Variants in USH2A observed in about 807,000 individuals in gnomAD.
The protein encoded by USH2A is usherin, also known as Usher syndrome 2A (autosomal recessive, mild).
A neutral mutation model predicts 538.9 loss-of-function variants in USH2A; 443 were observed. The observed-to-expected ratio is 0.82, with a 90% CI of 0.76 to 0.89. The LOEUF is 0.89. Ranked by LOEUF, USH2A falls within the 40% of genes least tolerant of loss-of-function variation. The pLI, the probability that USH2A is intolerant of heterozygous loss-of-function variation, is 0.00. For missense variants in USH2A, 6,633 were observed against 6,324.8 expected, an observed-to-expected ratio of 1.05 and a Z score of -1.65; for synonymous variants, 2,413 against 2,273.5, an observed-to-expected ratio of 1.06 and a Z score of -1.75.
intron 32 of USH2A, among the ~76,000 whole-genome samples, chr1:216,013,493 T>TC (rs1157053833): frequency 6.6e-6 from 1 of 152,012 alleles, no homozygotes; most frequent in Non-Finnish European, 1.5e-5. Context: ...AGCCATCATA[T>TC]CCCCTGTGAC....
intron 21 of USH2A, among the ~76,000 whole-genome samples, chr1:216,164,939 CACTGGGGGAATG>C (rs2034136658): frequency 6.6e-6 from 1 of 152,120 alleles, no homozygotes; most frequent in African/African-American, 2.4e-5. Context: ...CTGAGTTTCA[CACTGGGGGAATG>C]ACTTGTGCAA....
chr1:216,302,195 G>A, intron 9 of USH2A, among the ~76,000 whole-genome samples: 1 of 152,208 alleles, frequency 6.6e-6, no homozygotes, highest in East Asian at 1.9e-4. Context: ...GACAGAAAAT[G>A]GCTCTGTGCT....
intron 9 of USH2A, among the ~76,000 whole-genome samples, chr1:216,309,834 T>A (rs945276883): frequency 2.0e-5 from 3 of 152,188 alleles, no homozygotes; most frequent in African/African-American, 4.8e-5. Flanking sequence ...CCTGTTGATG[T>A]GAGGAATTAC....
Position 216,321,849 on chromosome 1 carries a change from T to G in USH2A, c.1644+34A>C, listed in dbSNP as rs7515253. On this transcript the variant is annotated intron_variant, in intron 9 of 71. Coordinates refer to ENST00000307340, the MANE Select transcript of USH2A (RefSeq NM_206933.4). ...TTATAGTCACCATCTCTACTATTTT[T>G]TTTTTAGATTTCCATGCATAAAATA... is the stretch of plus-strand genomic sequence containing the variant. The G allele has an allele frequency of 0.25, 393,744 of 1,565,644 alleles. 51,426 individuals carry two copies. The highest frequency in any genetic ancestry group is 0.38 in the African/African-American group (28,335 of 73,810).
At chr1:215,854,173 G>A (rs1664094737) in intron 44 of USH2A, among the ~76,000 whole-genome samples, 1 of 152,170 alleles carries the variant, frequency 6.6e-6, no homozygotes, top group Non-Finnish European at 1.5e-5. Context: ...GAAGGTGAAA[G>A]GCACATCTTA....
intron 40 of USH2A, among the ~76,000 whole-genome samples, chr1:215,896,373 C>T (rs1230943708): frequency 2.0e-5 from 3 of 151,602 alleles, no homozygotes; most frequent in Non-Finnish European, 2.9e-5. Flanking sequence ...GATCTAATTG[C>T]TTGTGTATGC....
rs1655871261 is a variant in USH2A at position 215,623,349 on chromosome 1, C to T, written c.*2432G>A. ...CAAGGAGCATAGTCCCTGTGCATAG[C>T]ATATTATTCCTGTACATGATTTCTT... On this transcript the variant is annotated 3_prime_UTR_variant, in exon 72 of 72. Transcript: ENST00000307340. 1 of 152,034 alleles carries T rather than the reference C, an allele frequency of 6.6e-6. No homozygotes were observed. Among genetic ancestry groups the T allele is most frequent in the African/African-American group, 2.4e-5 (1 of 41,406 alleles). The allele number at this position is 152,034 out of a possible 1,614,324, so 9.4% of individuals were successfully genotyped here. A position where few individuals can be genotyped will look rare whatever the true frequency, so the allele number is the denominator to read the frequency against.
chr1:216,230,999 C>T (rs2035666819), intron 14 of USH2A, among the ~76,000 whole-genome samples: 1 of 148,234 alleles, frequency 6.7e-6, no homozygotes, highest in South Asian at 2.2e-4. Flanking sequence ...CCACAGATAC[C>T]CAGAGAATAA....
At chr1:215,705,203 T>C (rs1273935117) in intron 61 of USH2A, among the ~76,000 whole-genome samples, 1 of 152,248 alleles carries the variant, frequency 6.6e-6, no homozygotes, top group Non-Finnish European at 1.5e-5. Context: ...AGTGATTCCT[T>C]TATCACTTAG....
chr1:216,348,006 C>T (rs1363470289), intron 4 of USH2A, among the ~76,000 whole-genome samples: 1 of 152,066 alleles, frequency 6.6e-6, no homozygotes, highest in Admixed American at 6.6e-5. Flanking sequence ...TCTTTTAAAA[C>T]TTTTTGCTTA....
intron 9 of USH2A, among the ~76,000 whole-genome samples, chr1:216,318,393 C>T (rs2037546073): frequency 6.6e-6 from 1 of 152,136 alleles, no homozygotes; most frequent in Non-Finnish European, 1.5e-5. Context: ...TTTCAAATTA[C>T]CGTAAGACGA....
intron 61 of USH2A, among the ~76,000 whole-genome samples, chr1:215,726,556 A>G (rs893088363): frequency 6.6e-6 from 1 of 152,190 alleles, no homozygotes; most frequent in Non-Finnish European, 1.5e-5. Flanking sequence ...ATTTTGATAA[A>G]TGTTATCCTC....
chr1:216,223,156 T>C (rs1417169205), intron 14 of USH2A, among the ~76,000 whole-genome samples: 1 of 152,076 alleles, frequency 6.6e-6, no homozygotes, highest in Non-Finnish European at 1.5e-5. Flanking sequence ...CATGTTGTTT[T>C]AAGCCACTGA....
intron 41 of USH2A, among the ~76,000 whole-genome samples, chr1:215,885,474 C>T (rs551979578): frequency 3.9e-4 from 60 of 152,118 alleles, no homozygotes; most frequent in Non-Finnish European, 7.9e-4. Flanking sequence ...GCATTTTTAC[C>T]AACCTTATAA....
intron 65 of USH2A, 80 bp from the exon 66 acceptor site, chr1:215,648,846 C>A: frequency 7.3e-7 from 1 of 1,361,432 alleles, no homozygotes; most frequent in East Asian, 2.3e-5. Flanking sequence ...GATCCCACCT[C>A]CTACAAATGG....
intron 4 of USH2A, among the ~76,000 whole-genome samples, chr1:216,329,109 C>T (rs961854503): frequency 1.3e-5 from 2 of 152,150 alleles, no homozygotes; most frequent in Non-Finnish European, 2.9e-5. Flanking sequence ...TATCCTAAAA[C>T]AGGCAGCTGG....
chr1:215,693,456 C>T (rs1171096822), intron 61 of USH2A, among the ~76,000 whole-genome samples: 1 of 152,082 alleles, frequency 6.6e-6, no homozygotes, highest in Non-Finnish European at 1.5e-5. Context: ...TACCTAGAGT[C>T]ATACTGCTGA....
chr1:215,939,945 A>G (rs772713), intron 37 of USH2A, among the ~76,000 whole-genome samples: 1 of 151,966 alleles, frequency 6.6e-6, no homozygotes, highest in Non-Finnish European at 1.5e-5. Flanking sequence ...ACAGTATCAT[A>G]ACACACACAA....
At chr1:216,110,965 C>T (rs2032853201) in intron 21 of USH2A, among the ~76,000 whole-genome samples, 1 of 152,176 alleles carries the variant, frequency 6.6e-6, no homozygotes, top group South Asian at 2.1e-4. Context: ...GTGGCTCACG[C>T]CTGTAATCCC....
Sources: gnomAD v4.1 joint callset for allele counts (sites outside exome capture counted in the v4.1 genomes callset) on GRCh38, gnomAD v4.1.1 for gene constraint, MANE v1.5 for transcripts, NCBI Gene and HGNC (gene_info 2026-07-23, HGNC 2026-07-21) for gene names.